MAP4: variants seen among roughly 807,000 people sequenced by gnomAD.
The protein encoded by MAP4 is microtubule-associated protein 4.
In MAP4, 76 loss-of-function variants were observed where a neutral mutation model predicts 170.2. The observed-to-expected ratio is 0.45, with a 90% CI of 0.37 to 0.54. The LOEUF (loss-of-function observed/expected upper bound fraction) is 0.54, where lower values mean the gene tolerates loss of function less well. Ranked by LOEUF, MAP4 falls within the 20% of genes least tolerant of loss-of-function variation. MAP4 has a pLI of 0.00. For synonymous variants in MAP4, 909 were observed against 994.5 expected, an observed-to-expected ratio of 0.91 and a Z score of 1.62; for missense variants, 2,506 against 2,748.0, an observed-to-expected ratio of 0.91 and a Z score of 1.97.
intron 2 of MAP4, among the ~76,000 whole-genome samples, chr3:47,988,858 G>A (rs1008085672): frequency 3.9e-5 from 6 of 151,984 alleles, no homozygotes; most frequent in African/African-American, 1.4e-4. Context: ...TGTCGCCCAG[G>A]CTTGAATGCA....
At chr3:47,858,100 ATCTCCCGGGTTCAAGTGATTCTTCTGCC>A (rs933224006) in intron 17 of MAP4, among the ~76,000 whole-genome samples, 2 of 140,206 alleles carry the variant, frequency 1.4e-5, no homozygotes, top group African/African-American at 5.4e-5. Context: ...CCCAGCCTCC[ATCTCCCGGGTTCAAGTGATTCTTCTGCC>A]TCAGCCTCTG....
chr3:48,002,055 C>T (rs1355568476), intron 1 of MAP4, among the ~76,000 whole-genome samples: 1 of 151,738 alleles, frequency 6.6e-6, no homozygotes. Flanking sequence ...TACGTGTGAC[C>T]CAGATGTGGT....
At chr3:47,958,318 A>G (rs1559601680) in intron 3 of MAP4, among the ~76,000 whole-genome samples, 1 of 152,236 alleles carries the variant, frequency 6.6e-6, no homozygotes, top group South Asian at 2.1e-4. Context: ...AAGAACCTCA[A>G]CCAGCTGAGG....
At chr3:48,050,968 T>C (rs1313310437) in intron 1 of MAP4, among the ~76,000 whole-genome samples, 1 of 150,844 alleles carries the variant, frequency 6.6e-6, no homozygotes. Context: ...ATCCCTCATA[T>C]ATCGCGGTAC....
chr3:47,863,937 T>TGTGTGTGTGTGTGTGTGTGTGGGG (rs374208589), intron 17 of MAP4, among the ~76,000 whole-genome samples: 1 of 138,356 alleles, frequency 7.2e-6, no homozygotes, highest in African/African-American at 2.7e-5. Flanking sequence ...TGTGTGTGTG[T>TGTGTGTGTGTGTGTGTGTGTGGGG]GGGGAGTGGT....
At chr3:47,961,455 T>C (rs1447102343) in intron 3 of MAP4, among the ~76,000 whole-genome samples, 1 of 152,196 alleles carries the variant, frequency 6.6e-6, no homozygotes, top group Admixed American at 6.5e-5. Context: ...CTGACATAGC[T>C]GTATCTTGTT....
intron 3 of MAP4, among the ~76,000 whole-genome samples, chr3:47,958,267 G>A (rs1405189332): frequency 6.6e-6 from 1 of 152,122 alleles, no homozygotes; most frequent in African/African-American, 2.4e-5. Flanking sequence ...AAAAGGACTG[G>A]ACTAATGAGG....
chr3:47,872,190 G>A, intron 12 of MAP4, 90 bp from the exon 13 acceptor site: 1 of 1,281,720 alleles, frequency 7.8e-7, no homozygotes, highest in Non-Finnish European at 1.1e-6. Flanking sequence ...TGTTTGTTTT[G>A]TTTTGTTTTT....
At chr3:47,879,169 A>C (rs1348368775) in intron 10 of MAP4, among the ~76,000 whole-genome samples, 1 of 152,128 alleles carries the variant, frequency 6.6e-6, no homozygotes, top group Non-Finnish European at 1.5e-5. Flanking sequence ...TATCAATGTA[A>C]TCTCTGAATG....
At chr3:48,045,280 T>C (rs528446773) in intron 1 of MAP4, among the ~76,000 whole-genome samples, 111 of 149,264 alleles carry the variant, frequency 7.4e-4, no homozygotes, top group African/African-American at 2.7e-3. Context: ...AAAAAAAAAT[T>C]TCATTGAAAC....
intron 1 of MAP4, among the ~76,000 whole-genome samples, chr3:48,037,583 C>T (rs1392616823): frequency 1.3e-5 from 2 of 151,974 alleles, no homozygotes; most frequent in African/African-American, 2.4e-5. Context: ...TTTGTAGAGA[C>T]AGGGCTTCTC....
At chr3:48,061,536 T>TAGCTACAACCTCCACCTCCCAGCC (rs1270315690) in intron 1 of MAP4, among the ~76,000 whole-genome samples, 1 of 152,166 alleles carries the variant, frequency 6.6e-6, no homozygotes, top group Non-Finnish European at 1.5e-5. Context: ...TGATCTCAGC[T>TAGCTACAACCTCCACCTCCCAGCC]AGCTACAACC....
chr3:47,958,375 A>T (rs2100069153), intron 3 of MAP4, among the ~76,000 whole-genome samples: 2 of 152,232 alleles, frequency 1.3e-5, no homozygotes. Flanking sequence ...CTGAAGAAAG[A>T]AGCCTAGATA....
At chr3:48,055,107 G>A (rs1355486001) in intron 1 of MAP4, among the ~76,000 whole-genome samples, 1 of 152,198 alleles carries the variant, frequency 6.6e-6, no homozygotes, top group East Asian at 1.9e-4. Context: ...AACAAGATCA[G>A]CGGGGACCAC....
chr3:47,892,115 G>A, intron 10 of MAP4: 1 of 1,536,148 alleles, frequency 6.5e-7, no homozygotes, highest in Non-Finnish European at 8.7e-7. Flanking sequence ...GAACTCGGAG[G>A]TCTTCTGGTG....
intron 1 of MAP4, among the ~76,000 whole-genome samples, chr3:48,000,383 T>C (rs1185525829): frequency 1.3e-5 from 2 of 152,120 alleles, no homozygotes; most frequent in Admixed American, 1.3e-4. Context: ...AGTTGACATA[T>C]AAGCTATGTT....
chr3:47,942,435 C>T (rs1385571361), intron 3 of MAP4, among the ~76,000 whole-genome samples: 1 of 151,950 alleles, frequency 6.6e-6, no homozygotes, highest in East Asian at 1.9e-4. Flanking sequence ...GGCTGGAGTG[C>T]AGTAGCTATT....
intron 16 of MAP4, 126 bp downstream of exon 16, chr3:47,869,088 T>G: frequency 1.4e-6 from 1 of 732,312 alleles, no homozygotes; most frequent in Non-Finnish European, 2.4e-6. Flanking sequence ...GAGAAGGGAA[T>G]ATAGGGGAGA....
Position 47,911,592 on chromosome 3 carries a change from T to G in MAP4, c.2829A>C (p.Arg943Ser). The change falls in exon 9 of 21, where the codon AGA becomes AGC. Residue 943 changes from arginine (R) to serine (S), a missense_variant. Physicochemically the swap from Arg to Ser is moderately radical, Grantham distance 110 (BLOSUM62 -1). Transcript: ENST00000683076. The surrounding 1 kb of genome is among the most constrained non-coding windows in gnomAD (Gnocchi z 4.0). ...AGAAAGGAGAGCAACCCTCTTTAAG[T>G]CTGATATCCAAAGGGGTTTCTACAT... ...AYNVETPLDI[R>S]LKEGCSPFLD... 6.5e-7 allele frequency: 1 copy of G among 1,536,128 alleles called. No homozygotes were observed. Among genetic ancestry groups the G allele is most frequent in the Non-Finnish European group, 8.7e-7 (1 of 1,146,908 alleles).
Sources: gnomAD v4.1 joint callset for allele counts (sites outside exome capture counted in the v4.1 genomes callset) on GRCh38, gnomAD v4.1.1 for gene constraint, Gnocchi (gnomAD v3.1) non-coding constraint, MANE v1.5 for transcripts, NCBI Gene and HGNC (gene_info 2026-07-23, HGNC 2026-07-21) for gene names.